Variants in TENM2 observed in about 807,000 individuals in gnomAD.
TENM2 encodes teneurin transmembrane protein 2, also known as teneurin-2.
TENM2 carries 52 observed loss-of-function variants against 245.2 expected under a neutral mutation model. The ratio of observed to expected loss-of-function variants is 0.21; its 90% confidence interval spans 0.17 to 0.27. The LOEUF (loss-of-function observed/expected upper bound fraction) is 0.27, where lower values mean the gene tolerates loss of function less well. Ranked by LOEUF, TENM2 falls within the 10% of genes least tolerant of loss-of-function variation. TENM2 has a pLI of 1.00. For synonymous variants in TENM2, 1,363 were observed against 1,438.9 expected, an observed-to-expected ratio of 0.95 and a Z score of 1.19; for missense variants, 3,046 against 3,666.8, an observed-to-expected ratio of 0.83 and a Z score of 4.37.
the TENM2 span, among the ~76,000 whole-genome samples, chr5:167,256,136 GA>G: frequency 5.3e-5 from 8 of 152,140 alleles, no homozygotes; most frequent in Non-Finnish European, 1.2e-4. Context: ...TGTAAGTGAT[GA>G]AGTGCCTGTG....
chr5:167,801,106 AAAAAT>A (rs1408345092), intron 2 of TENM2, among the ~76,000 whole-genome samples: 13 of 64,850 alleles, frequency 2.0e-4, no homozygotes, highest in African/African-American at 3.4e-4. Flanking sequence ...AAAAAAAAAA[AAAAAT>A]ATATATATAT....
intron 20 of TENM2, among the ~76,000 whole-genome samples, chr5:168,212,524 G>A (rs531410398): frequency 5.9e-5 from 9 of 152,278 alleles, no homozygotes; most frequent in Middle Eastern, 3.4e-3. Flanking sequence ...ACTACTCAAC[G>A]GAATGCTTCT....
chr5:167,276,072 T>C, the TENM2 span, among the ~76,000 whole-genome samples: 1 of 152,076 alleles, frequency 6.6e-6, no homozygotes, highest in South Asian at 2.1e-4. Context: ...TGTGTAATTG[T>C]GTTTATATAT....
intron 2 of TENM2, among the ~76,000 whole-genome samples, chr5:167,546,379 G>T (rs1772561171): frequency 6.6e-6 from 1 of 152,092 alleles, no homozygotes; most frequent in South Asian, 2.1e-4. Flanking sequence ...TCCCATAAAT[G>T]GCATGATCTC....
chr5:167,861,242 A>C (rs977605647), intron 2 of TENM2, among the ~76,000 whole-genome samples: 32 of 152,124 alleles, frequency 2.1e-4, no homozygotes, highest in African/African-American at 7.7e-4. Context: ...GAAGGTGGGC[A>C]AAGGCCTCTC....
At chr5:167,605,204 G>A (rs892236694) in intron 2 of TENM2, among the ~76,000 whole-genome samples, 17 of 152,058 alleles carry the variant, frequency 1.1e-4, no homozygotes, top group Non-Finnish European at 1.5e-4. Context: ...GCAGAAGAAC[G>A]TACGATTCTA....
rs753478285 is a variant in TENM2, at chr5:167,441,938, A to G, written c.502+66465A>G. 4.3e-4 allele frequency among the ~76,000 whole-genome samples: 66 copies of G among 152,288 alleles called. 2 individuals carry two copies. The highest frequency in any genetic ancestry group is 2.9e-3 in the Admixed American group (45 of 15,292). On this transcript the variant is annotated intron_variant, in intron 2 of 28. Coordinates refer to ENST00000518659, the Ensembl canonical transcript of TENM2. ...GTGTCTTCTTTGCCACCTACTTGGC[A>G]TGTGTTCTTGGGTAAACCCCCTAAG... is the stretch of plus-strand genomic sequence containing the variant.
intron 13 of TENM2, among the ~76,000 whole-genome samples, chr5:168,168,604 C>G (rs1420192395): frequency 1.3e-5 from 2 of 150,616 alleles, no homozygotes; most frequent in East Asian, 2.0e-4. Context: ...GGATCGCTTG[C>G]TCAGGAAGTT....
chr5:167,530,375 G>C (rs1223753908), intron 2 of TENM2, among the ~76,000 whole-genome samples: 2 of 152,188 alleles, frequency 1.3e-5, no homozygotes, highest in Admixed American at 6.5e-5. Context: ...GAGTATGTTT[G>C]TGCAAACTGC....
At chr5:168,113,413 A>C (rs1794835123) in intron 9 of TENM2, among the ~76,000 whole-genome samples, 1 of 152,176 alleles carries the variant, frequency 6.6e-6, no homozygotes, top group Non-Finnish European at 1.5e-5. Context: ...TTCCCTCTAC[A>C]CATCTAGTCC....
At chr5:167,755,141 T>C in intron 2 of TENM2, 2 of 1,599,110 alleles carry the variant, frequency 1.3e-6, no homozygotes, top group Non-Finnish European at 1.7e-6. Flanking sequence ...CGGCAGTACC[T>C]CACCTCAGTC....
intron 2 of TENM2, among the ~76,000 whole-genome samples, chr5:167,510,884 A>G (rs189631110): frequency 1.3e-5 from 2 of 152,290 alleles, no homozygotes; most frequent in African/African-American, 4.8e-5. Context: ...ATTAAATCAT[A>G]GCTTTTTGTC....
intron 2 of TENM2, among the ~76,000 whole-genome samples, chr5:167,442,341 A>G (rs1366994288): frequency 1.3e-5 from 2 of 152,196 alleles, no homozygotes; most frequent in Non-Finnish European, 2.9e-5. Context: ...TCTTTATTAT[A>G]CAAAATGCTG....
chr5:167,595,737 G>A (rs571657496), intron 2 of TENM2, among the ~76,000 whole-genome samples: 1 of 152,282 alleles, frequency 6.6e-6, no homozygotes, highest in African/African-American at 2.4e-5. Flanking sequence ...TTTTGACATT[G>A]AACTTCAGAT....
intron 3 of TENM2, among the ~76,000 whole-genome samples, chr5:167,914,447 C>T (rs1264059756): frequency 1.3e-5 from 2 of 152,184 alleles, no homozygotes; most frequent in Non-Finnish European, 2.9e-5. Context: ...TTCTGCATCC[C>T]TCTTTCCCTT....
At chr5:168,014,080 C>T (rs1171986480) in intron 5 of TENM2, among the ~76,000 whole-genome samples, 1 of 152,134 alleles carries the variant, frequency 6.6e-6, no homozygotes, top group Non-Finnish European at 1.5e-5. Flanking sequence ...ACCTGATTTC[C>T]AAATAAGGTC....
At chr5:167,300,249 A>G (rs1400187292) in intron 1 of TENM2, among the ~76,000 whole-genome samples, 1 of 152,164 alleles carries the variant, frequency 6.6e-6, no homozygotes, top group African/African-American at 2.4e-5. Context: ...GATGAGGATG[A>G]AATTTGGGCT....
chr5:167,824,342 G>A (rs996704262), intron 2 of TENM2, among the ~76,000 whole-genome samples: 1 of 152,236 alleles, frequency 6.6e-6, no homozygotes, highest in African/African-American at 2.4e-5. Flanking sequence ...ATGGAACAAA[G>A]CATTGTCTTC....
the TENM2 span, among the ~76,000 whole-genome samples, chr5:167,047,702 C>A: frequency 6.6e-6 from 1 of 152,196 alleles, no homozygotes; most frequent in South Asian, 2.1e-4. Context: ...TGAAGAGAAC[C>A]TTTGCCTGTT....
Sources: allele counts gnomAD v4.1 joint callset (sites outside exome capture counted in the v4.1 genomes callset), GRCh38; gene constraint gnomAD v4.1.1; transcripts MANE v1.5; gene names NCBI Gene and HGNC (gene_info 2026-07-23, HGNC 2026-07-21).